C1orf21: variants seen among roughly 807,000 people sequenced by gnomAD.
The protein encoded by C1orf21 is uncharacterized protein C1orf21.
A neutral mutation model predicts 18.7 loss-of-function variants in C1orf21; 3 were observed. The ratio of observed to expected loss-of-function variants is 0.16; its 90% CI spans 0.07 to 0.42. The LOEUF (loss-of-function observed/expected upper bound fraction) is 0.42. Among genes scored for constraint, C1orf21 ranks in the 10% least tolerant of loss-of-function variants. The pLI, the probability that C1orf21 is intolerant of heterozygous loss-of-function variation, is 0.99. For synonymous variants in C1orf21, 41 were observed against 46.4 expected (o/e 0.88, Z 0.47); for missense variants, 104 against 143.6 (o/e 0.72, Z 1.41).
intron 5 of C1orf21, among the ~76,000 whole-genome samples, chr1:184,611,059 C>T (rs1214885214): frequency 6.6e-6 from 1 of 152,124 alleles, no homozygotes; most frequent in Non-Finnish European, 1.5e-5. Flanking sequence ...CAGTCAGAGG[C>T]TGTCACACTC....
intron 2 of C1orf21, among the ~76,000 whole-genome samples, chr1:184,482,082 T>C (rs949373780): frequency 5.3e-5 from 8 of 152,178 alleles, no homozygotes; most frequent in Non-Finnish European, 1.2e-4. Flanking sequence ...GTGTAACAAA[T>C]ACCCCAAACA....
intron 1 of C1orf21, among the ~76,000 whole-genome samples, chr1:184,395,079 C>T (rs1338999474): frequency 6.6e-6 from 1 of 152,306 alleles, no homozygotes; most frequent in East Asian, 1.9e-4. Flanking sequence ...CCCACCTCCT[C>T]CAAGGAGCCC....
intron 1 of C1orf21, among the ~76,000 whole-genome samples, chr1:184,420,386 A>G (rs1156689294): frequency 1.3e-5 from 2 of 152,140 alleles, no homozygotes; most frequent in Non-Finnish European, 1.5e-5. Context: ...TGGCTCTGAC[A>G]TTTTATTAGA....
At chr1:184,403,264 T>C (rs911809763) in intron 1 of C1orf21, among the ~76,000 whole-genome samples, 1 of 152,086 alleles carries the variant, frequency 6.6e-6, no homozygotes, top group African/African-American at 2.4e-5. Context: ...ATAGTAAGAG[T>C]AACCTACAAC....
At chr1:184,530,073 T>C (rs939472692) in intron 3 of C1orf21, among the ~76,000 whole-genome samples, 3 of 152,220 alleles carry the variant, frequency 2.0e-5, no homozygotes, top group Non-Finnish European at 4.4e-5. Flanking sequence ...CTTAATGCAA[T>C]GCCTGGTACA....
Position 184,626,473 on chromosome 1 carries a change from G to A in C1orf21, c.*6917G>A, listed in dbSNP as rs1660012456. The A allele has an allele frequency of 6.5e-6, 1 of 152,802 alleles. No individual in the cohort carries two copies. The highest frequency in any genetic ancestry group is 2.1e-4 in the South Asian group (1 of 4,848). 9.5% of individuals were successfully genotyped at this position (152,802 alleles called of 1,614,324 possible). A position where few individuals can be genotyped will look rare whatever the true frequency, so the allele number is the denominator to read the frequency against. ...GCTGGAGCTTGGACTTGTAGAGGGA[G>A]AGAGAAGAGCAAGGGACGTGGACGG... On this transcript the variant is annotated 3_prime_UTR_variant, in exon 6 of 6. Coordinates refer to ENST00000235307, the MANE Select transcript of C1orf21 (RefSeq NM_030806.4).
At chr1:184,563,469 T>C (rs1334085965) in intron 3 of C1orf21, among the ~76,000 whole-genome samples, 1 of 152,104 alleles carries the variant, frequency 6.6e-6, no homozygotes, top group African/African-American at 2.4e-5. Flanking sequence ...ACTCTAAAAA[T>C]ACCAAATGGA....
chr1:184,427,622 A>G (rs1188917986), intron 1 of C1orf21, among the ~76,000 whole-genome samples: 1 of 152,182 alleles, frequency 6.6e-6, no homozygotes, highest in Non-Finnish European at 1.5e-5. Context: ...GATGTGGTTG[A>G]AATGAATGAA....
At chr1:184,509,819 A>G (rs1358927805) in intron 3 of C1orf21, among the ~76,000 whole-genome samples, 2 of 152,192 alleles carry the variant, frequency 1.3e-5, no homozygotes, top group East Asian at 1.9e-4. Flanking sequence ...AAACTGTTGC[A>G]TTGAAGGGGC....
chr1:184,467,924 A>G (rs1433923588), intron 1 of C1orf21, among the ~76,000 whole-genome samples: 2 of 152,176 alleles, frequency 1.3e-5, no homozygotes, highest in East Asian at 1.9e-4. Context: ...TCTTTCCATC[A>G]GTCACAAAAA....
chr1:184,490,141 T>C (rs565880514), intron 2 of C1orf21, among the ~76,000 whole-genome samples: 2 of 152,350 alleles, frequency 1.3e-5, no homozygotes, highest in East Asian at 3.9e-4. Flanking sequence ...TGACTGGCAC[T>C]TGTTGGTTTC....
intron 4 of C1orf21, chr1:184,592,297 A>C (rs905819163): frequency 3.9e-5 from 6 of 152,240 alleles, no homozygotes; most frequent in Non-Finnish European, 8.8e-5. Context: ...TCACGTGAGG[A>C]TCTATTGAGT....
Position 184,622,670 on chromosome 1 carries a change from G to A in C1orf21, c.*3114G>A, listed in dbSNP as rs761131516. ...AAAACTGGGTCAGCCCTCAGAAACT[G>A]CAGCAGCCACGCACACAGAAGCCTG... On this transcript the variant is annotated 3_prime_UTR_variant, in exon 6 of 6. Transcript: ENST00000235307. 9.2e-5 allele frequency: 14 copies of A among 152,930 alleles called. No individual in the cohort carries two copies. Among genetic ancestry groups the A allele is most frequent in the South Asian group, 2.1e-4 (1 of 4,828 alleles). The allele number at this position is 152,930 out of a possible 1,614,324, so 9.5% of individuals were successfully genotyped here. A position where few individuals can be genotyped will look rare whatever the true frequency, so the allele number is the denominator to read the frequency against.
intron 1 of C1orf21, among the ~76,000 whole-genome samples, chr1:184,468,632 T>C (rs2101987003): frequency 6.6e-6 from 1 of 152,328 alleles, no homozygotes; most frequent in Non-Finnish European, 1.5e-5. Flanking sequence ...AAAAAAACGA[T>C]TCTTGGCTGG....
At chr1:184,470,431 A>C (rs1657478319) in intron 1 of C1orf21, among the ~76,000 whole-genome samples, 1 of 152,252 alleles carries the variant, frequency 6.6e-6, no homozygotes, top group Non-Finnish European at 1.5e-5. Flanking sequence ...AGGAAATCAC[A>C]TGGCTTTGTC....
chr1:184,454,076 C>A (rs903824924), intron 1 of C1orf21, among the ~76,000 whole-genome samples: 2 of 152,152 alleles, frequency 1.3e-5, no homozygotes, highest in Non-Finnish European at 2.9e-5. Context: ...CTAACAAATA[C>A]TTAGAGTCAA....
chr1:184,605,462 A>G lies in C1orf21; in HGVS notation c.327+7001A>G, dbSNP rs796217817. Among the ~76,000 whole-genome samples the G allele has an allele frequency of 1.2e-4, 18 of 152,346 alleles. 2 individuals carry two copies. Among genetic ancestry groups the G allele is most frequent in the African/African-American group, 4.1e-4 (17 of 41,576 alleles). The stretch of plus-strand genomic sequence containing the variant: ...TGTTGAATGAGTGAATGGTGCAGAT[A>G]AGAACACTGGGCTTCAAATGGAGAC... On this transcript the variant is annotated intron_variant, in intron 5 of 5. Coordinates refer to ENST00000235307, the MANE Select transcript of C1orf21 (RefSeq NM_030806.4).
chr1:184,469,440 A>T (rs995411031), intron 1 of C1orf21, among the ~76,000 whole-genome samples: 2 of 152,190 alleles, frequency 1.3e-5, no homozygotes, highest in African/African-American at 4.8e-5. Context: ...TGTGGAATAT[A>T]TTGGATTTGT....
At chr1:184,463,370 A>G (rs1467417165) in intron 1 of C1orf21, among the ~76,000 whole-genome samples, 2 of 152,146 alleles carry the variant, frequency 1.3e-5, no homozygotes, top group African/African-American at 4.8e-5. Flanking sequence ...AAAAGTTTCT[A>G]TTTGAAAACC....
Sources: allele counts gnomAD v4.1 joint callset (sites outside exome capture counted in the v4.1 genomes callset), GRCh38; gene constraint gnomAD v4.1.1; transcripts MANE v1.5; gene names NCBI Gene and HGNC (gene_info 2026-07-23, HGNC 2026-07-21).